Variants in BOC observed in about 807,000 individuals in gnomAD.
The protein encoded by BOC is brother of CDO.
Under a neutral mutation model 112.0 loss-of-function variants are expected in BOC, and 76 were observed. That is an observed-to-expected ratio of 0.68 (90% CI 0.56 to 0.82). The LOEUF is 0.82. Among genes scored for constraint, BOC ranks in the 40% least tolerant of loss-of-function variants. The pLI, the probability that BOC is intolerant of heterozygous loss-of-function variation, is 0.00. For synonymous variants in BOC, 580 were observed against 599.8 expected (o/e 0.97, Z 0.48); for missense variants, 1,309 against 1,511.7 (o/e 0.87, Z 2.22).
At chr3:113,214,445 TA>T (rs1287560294) in intron 1 of BOC, among the ~76,000 whole-genome samples, 1 of 152,192 alleles carries the variant, frequency 6.6e-6, no homozygotes, top group African/African-American at 2.4e-5. Context: ...CCGTGTCCCC[TA>T]GGGGGTCTGG....
chr3:113,251,628 A>G (rs559079347), intron 4 of BOC: 1 of 151,808 alleles, frequency 6.6e-6, no homozygotes, highest in African/African-American at 2.4e-5. Context: ...TCTGACCTCT[A>G]TTTTTTCCTA....
In BOC at chr3:113,274,848, C is replaced by T. The variant is rs1029160475; in HGVS notation, c.1542+166C>T. ...TCTCCTCCAGTGTCCATCCCTGCCA[C>T]CTCCCAGGAAGCTGGTTGTAAGATG... On this transcript the variant is annotated intron_variant, in intron 9 of 19. Transcript: ENST00000682979. The surrounding 1 kb of genome is among the most constrained non-coding windows in gnomAD (Gnocchi z 4.8). 2.0e-5 allele frequency among the ~76,000 whole-genome samples: 3 copies of T among 152,196 alleles called. No homozygotes were observed. In the East Asian group the frequency reaches 5.8e-4, roughly 29 times the overall value.
rs750791560 is a variant in BOC at position 113,279,354 on chromosome 3, G to A, written c.1922G>A (p.Arg641His). The A allele has an allele frequency of 1.9e-5, 31 of 1,614,058 alleles. No homozygotes were observed. Among genetic ancestry groups the A allele is most frequent in the Middle Eastern group, 1.6e-4 (1 of 6,084 alleles). The stretch of plus-strand genomic sequence containing the variant: ...GGTGGGTTCCCAATCCAGTCCTTCC[G>A]TGTGGAGTACAAGAAGCTAAAGAAA... ...GNGGFPIQSF[R>H]VEYKKLKKVG... The change falls in exon 12 of 20, where the codon CGT becomes CAT. Residue 641 changes from arginine (R) to histidine (H), a missense_variant. Arg to His is a conservative substitution (Grantham distance 29, BLOSUM62 0). Transcript: ENST00000682979.
Position 113,268,320 on chromosome 3 carries a change from A to C in BOC, c.398A>C (p.Asp133Ala). 1 of 1,614,050 alleles carries C rather than the reference A, an allele frequency of 6.2e-7. No homozygotes were observed. The change falls in exon 5 of 20, where the codon GAT becomes GCT. Residue 133 changes from aspartate to alanine, a missense_variant. By Grantham distance (126) the Asp-to-Ala change is moderately radical. Transcript: ENST00000682979. ...TLANLQDFKL[D>A]VQHVIEVDEG... ...ACAGATCTCCAGGACTTCAAGTTAG[A>C]TGTGCAGCACGTGATTGAAGTGGAT...
Position 113,286,737 on chromosome 3 carries a change from G to A in BOC, c.3223G>A (p.Val1075Met), listed in dbSNP as rs1169986139. The change falls in exon 20 of 20, where the codon GTG (valine) becomes ATG (methionine). Residue 1075 changes from valine to methionine, a missense_variant. Physicochemically the swap from Val to Met is conservative, Grantham distance 21. Coordinates refer to ENST00000682979, the MANE Select transcript of BOC (RefSeq NM_001378074.1). ...EEVDSPDSCQ[V>M]SGGDWCPQHP... ...GGTGGACAGTCCTGACTCCTGCCAA[G>A]TGAGTGGAGGAGACTGGTGTCCCCA... is the stretch of plus-strand genomic sequence containing the variant. 6.2e-7 allele frequency: 1 copy of A among 1,613,620 alleles called. No individual in the cohort carries two copies. The highest frequency in any genetic ancestry group is 8.5e-7 in the Non-Finnish European group (1 of 1,179,712).
At chr3:113,219,316 C>T (rs1442723361) in intron 2 of BOC, among the ~76,000 whole-genome samples, 1 of 152,250 alleles carries the variant, frequency 6.6e-6, no homozygotes, top group Non-Finnish European at 1.5e-5. Context: ...GCCTCCACTG[C>T]CCTTCCAGCG....
intron 2 of BOC, among the ~76,000 whole-genome samples, chr3:113,246,039 AT>A (rs1256022312): frequency 6.6e-6 from 1 of 152,242 alleles, no homozygotes; most frequent in African/African-American, 2.4e-5. Context: ...TTCTCAAAAA[AT>A]AAATACTCTG....
intron 4 of BOC, among the ~76,000 whole-genome samples, chr3:113,261,537 A>G (rs1246104387): frequency 6.6e-6 from 1 of 152,162 alleles, no homozygotes; most frequent in African/African-American, 2.4e-5. Context: ...ATCTGTGTTC[A>G]TCTGGCTGCC....
chr3:113,264,811 G>A (rs1396874186), intron 4 of BOC, among the ~76,000 whole-genome samples: 9 of 152,206 alleles, frequency 5.9e-5, no homozygotes, highest in Admixed American at 5.9e-4. Context: ...AAGCTTAGGA[G>A]GCACGGGGGG....
chr3:113,280,996 A>G lies in BOC; in HGVS notation c.2312-35A>G, dbSNP rs77608753. 4.6e-3 allele frequency: 7,332 copies of G among 1,611,358 alleles called. 98 individuals are homozygous for G. In the East Asian group the frequency reaches 0.056, roughly 12 times the overall value. On this transcript the variant is annotated intron_variant, in intron 14 of 19. Coordinates refer to ENST00000682979, the MANE Select transcript of BOC (RefSeq NM_001378074.1). Reference sequence around the variant, plus strand: ...TTGGGATCAAGAAAACCATATACACATTGCCATGCACCATTCTCTGACTCT... The same window carrying G: ...TTGGGATCAAGAAAACCATATACACGTTGCCATGCACCATTCTCTGACTCT...
chr3:113,216,663 A>G (rs1369146325), intron 2 of BOC, among the ~76,000 whole-genome samples: 4 of 152,234 alleles, frequency 2.6e-5, no homozygotes, highest in Non-Finnish European at 5.9e-5. Context: ...GGCAATGTTT[A>G]TCTCACAAAA....
rs1016044845 is a variant in BOC at position 113,250,675 on chromosome 3, A to G, written c.218A>G (p.Lys73Arg). 1.2e-6 allele frequency: 2 copies of G among 1,614,048 alleles called. No homozygotes were observed. The highest frequency in any genetic ancestry group is 1.1e-5 in the South Asian group (1 of 91,076). Residue 73 changes from lysine (K) to arginine (R), a missense_variant, in exon 4 of 20, where the codon AAG becomes AGG. By Grantham distance (26) the Lys-to-Arg change is conservative. Transcript: ENST00000682979. The stretch of plus-strand genomic sequence containing the variant: ...AATGTAACCTGGCGCCTGAATGGAA[A>G]GGAGCTGAATGGCTCGGATGATGCT... Reference protein sequence around the residue: ...RMNVTWRLNGKELNGSDDALG... With the variant: ...RMNVTWRLNGRELNGSDDALG...
At position 113,286,979 on chromosome 3, in the gene BOC, T is replaced by G; in HGVS notation, c.*117T>G. ...TTCTATTATAGCCATATTTATATAT[T>G]TATGCACTTGTAAATAAATGTATAT... On this transcript the variant is annotated 3_prime_UTR_variant, in exon 20 of 20. Coordinates refer to ENST00000682979, the MANE Select transcript of BOC (RefSeq NM_001378074.1). The G allele has an allele frequency of 9.6e-7, 1 of 1,039,632 alleles. No individual in the cohort carries two copies. Among genetic ancestry groups the G allele is most frequent in the African/African-American group, 1.6e-5 (1 of 61,796 alleles). 64.4% of individuals were successfully genotyped at this position (1,039,632 alleles called of 1,614,324 possible).
chr3:113,267,976 T>C (rs886440753), intron 4 of BOC, among the ~76,000 whole-genome samples: 5 of 151,384 alleles, frequency 3.3e-5, no homozygotes, highest in Non-Finnish European at 7.4e-5. Flanking sequence ...CCCCCCCCCA[T>C]TTCTGGGGTG....
At chr3:113,234,622 T>A (rs1475393069) in intron 2 of BOC, among the ~76,000 whole-genome samples, 1 of 152,196 alleles carries the variant, frequency 6.6e-6, no homozygotes, top group Admixed American at 6.5e-5. Flanking sequence ...CTACATCCCC[T>A]AAGCCTTTTG....
intron 2 of BOC, among the ~76,000 whole-genome samples, chr3:113,243,618 C>T (rs1944567952): frequency 6.6e-6 from 1 of 152,172 alleles, no homozygotes. Flanking sequence ...AGTTTGGAGA[C>T]CACTGTTACA....
Position 113,268,303 on chromosome 3 carries a change from C to T in BOC, c.381C>T (p.Leu127=), listed in dbSNP as rs1206307250. ...SVPATVTLAN[L]QDFKLDVQHV... ...CACCTTCCCTTCTCTTCACAGATCTCCAGGACTTCAAGTTAGATGTGCAGC... is the reference window on the plus strand; with the variant it reads ...CACCTTCCCTTCTCTTCACAGATCTTCAGGACTTCAAGTTAGATGTGCAGC... Residue 127 remains leucine (L), a synonymous_variant, in exon 5 of 20, where the codon CTC becomes CTT. Transcript: ENST00000682979. The T allele has an allele frequency of 4.3e-6, 7 of 1,613,988 alleles. No individual in the cohort carries two copies. The South Asian group carries it at 6.6e-5, about 15-fold the overall frequency.
chr3:113,216,368 C>T (rs1182843670), intron 2 of BOC, 94 bp downstream of exon 2: 3 of 436,310 alleles, frequency 6.9e-6, no homozygotes, highest in East Asian at 7.1e-5. Flanking sequence ...TAGTTTTTCT[C>T]ATCCTCAAGT....
At chr3:113,253,428 C>A (rs1346283111) in intron 4 of BOC, among the ~76,000 whole-genome samples, 1 of 151,030 alleles carries the variant, frequency 6.6e-6, no homozygotes, top group Non-Finnish European at 1.5e-5. Context: ...AAAAAAATAG[C>A]CAGGCGTGGT....
Sources: allele counts gnomAD v4.1 joint callset (sites outside exome capture counted in the v4.1 genomes callset), GRCh38; gene constraint gnomAD v4.1.1; non-coding constraint Gnocchi (gnomAD v3.1); transcripts MANE v1.5; gene names NCBI Gene and HGNC (gene_info 2026-07-23, HGNC 2026-07-21).